MAGI2: variants seen among roughly 807,000 people sequenced by gnomAD.
MAGI2 encodes membrane-associated guanylate kinase, WW and PDZ domain-containing protein 2.
A neutral mutation model predicts 133.3 loss-of-function variants in MAGI2; 35 were observed. That is an observed-to-expected ratio of 0.26 (90% CI 0.20 to 0.35). The LOEUF (loss-of-function observed/expected upper bound fraction) is 0.35, where lower values mean the gene tolerates loss of function less well. Among genes scored for constraint, MAGI2 ranks in the 10% least tolerant of loss-of-function variants. MAGI2 has a pLI of 1.00. For synonymous variants in MAGI2, 729 were observed against 710.6 expected (o/e 1.03, Z -0.41); for missense variants, 1,636 against 1,863.4 (o/e 0.88, Z 2.25).
chr7:78,502,735 G>A (rs1794733341), intron 4 of MAGI2, among the ~76,000 whole-genome samples: 1 of 152,130 alleles, frequency 6.6e-6, no homozygotes, highest in Non-Finnish European at 1.5e-5. Context: ...GCTAAGGGGA[G>A]CTACTGTACA....
chr7:78,214,546 T>C (rs1268486124), intron 10 of MAGI2, among the ~76,000 whole-genome samples: 1 of 152,236 alleles, frequency 6.6e-6, no homozygotes, highest in African/African-American at 2.4e-5. Context: ...GCATAATCTA[T>C]TAATGTTAAG....
intron 1 of MAGI2, among the ~76,000 whole-genome samples, chr7:79,353,254 C>A (rs1243789093): frequency 1.3e-5 from 2 of 151,362 alleles, no homozygotes; most frequent in East Asian, 1.9e-4. Flanking sequence ...ACTTCCACCC[C>A]CTCCTCTTCT....
At chr7:79,224,872 T>C (rs549541862) in intron 1 of MAGI2, among the ~76,000 whole-genome samples, 61 of 152,336 alleles carry the variant, frequency 4.0e-4, no homozygotes, top group African/African-American at 1.4e-3. Flanking sequence ...GATGGAAATG[T>C]TCTTTGATTG....
chr7:78,432,568 C>A (rs1036843513), intron 6 of MAGI2, among the ~76,000 whole-genome samples: 1 of 151,970 alleles, frequency 6.6e-6, no homozygotes, highest in African/African-American at 2.4e-5. Flanking sequence ...TTCTTTTGAA[C>A]AGAACATATT....
intron 1 of MAGI2, among the ~76,000 whole-genome samples, chr7:79,150,257 T>TAA (rs1167600778): frequency 1.3e-5 from 1 of 74,752 alleles, no homozygotes; most frequent in East Asian, 3.0e-4. Flanking sequence ...AAATTTACGG[T>TAA]TAAAAAAAAA....
intron 1 of MAGI2, among the ~76,000 whole-genome samples, chr7:79,342,422 C>T (rs1840970563): frequency 6.6e-6 from 1 of 152,092 alleles, no homozygotes; most frequent in Admixed American, 6.5e-5. Context: ...GTTCTGTGTC[C>T]CAATATCCCT....
At chr7:78,027,983 T>C (rs577450632) in intron 21 of MAGI2, among the ~76,000 whole-genome samples, 23 of 152,334 alleles carry the variant, frequency 1.5e-4, no homozygotes, top group East Asian at 7.7e-4. Context: ...TAGAATATTA[T>C]GGGAAAATAC....
intron 2 of MAGI2, among the ~76,000 whole-genome samples, chr7:78,655,454 C>CAAAAAAAAAAAAAAAAAAAAAAAACAACA: frequency 6.2e-5 from 4 of 64,946 alleles, no homozygotes; most frequent in African/African-American, 1.3e-4. Context: ...AAAAAACAAC[C>CAAAAAAAAAAAAAAAAAAAAAAAACAACA]AAAAAAAAAA....
chr7:78,892,302 G>A (rs911317234), intron 2 of MAGI2, among the ~76,000 whole-genome samples: 4 of 152,098 alleles, frequency 2.6e-5, no homozygotes, highest in African/African-American at 9.7e-5. Context: ...TGGCCATACT[G>A]CCCAAGGTAA....
chr7:78,976,790 T>C (rs188917086), intron 2 of MAGI2, among the ~76,000 whole-genome samples: 1 of 151,348 alleles, frequency 6.6e-6, no homozygotes. Context: ...CAAAACTCAA[T>C]TGCTCTGCTT....
At chr7:79,409,416 A>C (rs1195549687) in intron 1 of MAGI2, among the ~76,000 whole-genome samples, 4 of 151,240 alleles carry the variant, frequency 2.6e-5, no homozygotes, top group Non-Finnish European at 5.9e-5. Context: ...AGCACAAGCC[A>C]CTGTGCCTGG....
chr7:78,498,552 A>G (rs771127270), intron 5 of MAGI2, among the ~76,000 whole-genome samples: 14 of 152,198 alleles, frequency 9.2e-5, no homozygotes, highest in Non-Finnish European at 1.9e-4. Context: ...AGTGAATACT[A>G]AAGAAAAAGT....
At chr7:79,287,239 T>G (rs1413958876) in intron 1 of MAGI2, among the ~76,000 whole-genome samples, 1 of 152,116 alleles carries the variant, frequency 6.6e-6, no homozygotes, top group Non-Finnish European at 1.5e-5. Flanking sequence ...GTAAGCACTC[T>G]CAAGTTTGGA....
At chr7:78,797,213 C>A (rs139942541) in intron 2 of MAGI2, among the ~76,000 whole-genome samples, 1 of 151,898 alleles carries the variant, frequency 6.6e-6, no homozygotes, top group Non-Finnish European at 1.5e-5. Flanking sequence ...CATTCAATAT[C>A]GTAGACATGT....
intron 2 of MAGI2, among the ~76,000 whole-genome samples, chr7:78,806,502 T>A (rs976764248): frequency 2.6e-5 from 4 of 152,106 alleles, no homozygotes; most frequent in Non-Finnish European, 5.9e-5. Flanking sequence ...AATGAGAGAA[T>A]CACATGATAT....
chr7:78,027,351 G>A (rs919651542), intron 21 of MAGI2, among the ~76,000 whole-genome samples: 1 of 152,016 alleles, frequency 6.6e-6, no homozygotes, highest in African/African-American at 2.4e-5. Flanking sequence ...CTGCAGGCCA[G>A]GCGCGGTGGC....
At chr7:79,193,754 C>T (rs1028900006) in intron 1 of MAGI2, among the ~76,000 whole-genome samples, 3 of 151,630 alleles carry the variant, frequency 2.0e-5, no homozygotes, top group Non-Finnish European at 4.4e-5. Context: ...GTACAAGGGC[C>T]CTACATTTTC....
intron 2 of MAGI2, among the ~76,000 whole-genome samples, chr7:78,695,876 C>G (rs73380292): frequency 0.074 from 11,187 of 152,198 alleles, 458 homozygotes; most frequent in Admixed American, 0.11. Flanking sequence ...CTGGTATTCT[C>G]TTATCCTAGT....
chr7:78,920,127 C>A (rs1243064851), intron 2 of MAGI2, among the ~76,000 whole-genome samples: 1 of 151,966 alleles, frequency 6.6e-6, no homozygotes, highest in East Asian at 1.9e-4. Flanking sequence ...AAGATGAGTC[C>A]CAATGACTCC....
Sources: gnomAD v4.1 joint callset for allele counts (sites outside exome capture counted in the v4.1 genomes callset) on GRCh38, gnomAD v4.1.1 for gene constraint, MANE v1.5 for transcripts, NCBI Gene and HGNC (gene_info 2026-07-23, HGNC 2026-07-21) for gene names.